Variants in RDH12 observed in about 807,000 individuals in gnomAD.
The protein encoded by RDH12 is retinol dehydrogenase 12.
RDH12 carries 21 observed loss-of-function variants against 34.0 expected under a neutral mutation model. The ratio of observed to expected loss-of-function variants is 0.62; its 90% CI spans 0.44 to 0.89. RDH12 has a LOEUF of 0.89. Among genes scored for constraint, RDH12 ranks in the 40% least tolerant of loss-of-function variants. The pLI is 0.00. For synonymous variants in RDH12, 198 were observed against 169.9 expected, an observed-to-expected ratio of 1.17 and a Z score of -1.29; for missense variants, 394 against 398.6, an observed-to-expected ratio of 0.99 and a Z score of 0.10.
chr14:67,726,997 C>T lies in RDH12; in HGVS notation c.465C>T (p.Thr155=), dbSNP rs749242059. 3.5e-5 allele frequency: 57 copies of T among 1,612,658 alleles called. No homozygotes were observed. The highest frequency in any genetic ancestry group is 4.6e-5 in the Non-Finnish European group (54 of 1,180,006). ...GVNHLGHFLL[T]YLLLERLKVS... ...TCCTCACAGGCCACTTCCTCCTCACCTACCTGCTCCTGGAGCGGCTAAAGG... is the reference window on the plus strand; with the variant it reads ...TCCTCACAGGCCACTTCCTCCTCACTTACCTGCTCCTGGAGCGGCTAAAGG... The change falls in exon 7 of 9, where the codon ACC becomes ACT. Residue 155 remains threonine (T), a synonymous_variant. Coordinates refer to ENST00000551171, the MANE Select transcript of RDH12 (RefSeq NM_152443.3).
At chr14:67,708,757 T>A (rs1388118580) in intron 1 of RDH12, among the ~76,000 whole-genome samples, 1 of 152,018 alleles carries the variant, frequency 6.6e-6, no homozygotes, top group African/African-American at 2.4e-5. Context: ...AAGCCAAATA[T>A]GTCATTTTCG....
intron 5 of RDH12, among the ~76,000 whole-genome samples, chr14:67,725,707 G>T (rs1371404752): frequency 2.0e-5 from 3 of 152,204 alleles, no homozygotes; most frequent in African/African-American, 7.2e-5. Context: ...GATTCCTAGT[G>T]CCCAGCAGAG....
chr14:67,722,476 T>C lies in RDH12; in HGVS notation c.-167T>C. 8 of 740,846 alleles carry C rather than the reference T, an allele frequency of 1.1e-5. No homozygotes were observed. In the South Asian group the frequency reaches 1.1e-4, roughly 11 times the overall value. 45.9% of individuals were successfully genotyped at this position (740,846 alleles called of 1,614,324 possible). On this transcript the variant is annotated 5_prime_UTR_variant, in exon 3 of 9. Coordinates refer to ENST00000551171, the MANE Select transcript of RDH12 (RefSeq NM_152443.3). ...TGACAGCTCTTGGATTTAAATAGGA[T>C]TCTGGGCTCTGCTCAGAGTCAGGCT...
Position 67,729,308 on chromosome 14 carries a change from G to A in RDH12, c.776G>A (p.Arg259Gln). 3.1e-6 allele frequency: 5 copies of A among 1,601,378 alleles called. No homozygotes were observed. Among genetic ancestry groups the A allele is most frequent in the Non-Finnish European group, 4.2e-6 (5 of 1,179,892 alleles). ...RLFSPFVKTA[R>Q]EGAQTSLHCA... ...TTCTCCCCCTTTGTCAAGACGGCAC[G>A]GGAGGGGGCGCAGACCAGCCTGCAC... Residue 259 changes from arginine (R) to glutamine (Q), a missense_variant, in exon 8 of 9, where the codon CGG (arginine) becomes CAG (glutamine). Arg to Gln is a conservative substitution (Grantham distance 43). Coordinates refer to ENST00000551171, the MANE Select transcript of RDH12 (RefSeq NM_152443.3).
At position 67,724,467 on chromosome 14, in the gene RDH12, C is replaced by T. The variant is rs369709080; in HGVS notation, c.69-6C>T. The stretch of plus-strand genomic sequence containing the variant: ...TACGTGATGCTCTTGTTTCCCTTGC[C>T]GATAGGAAGTTCTTTGCTGGTGGAG... On this transcript the variant is annotated splice_region_variant and splice_polypyrimidine_tract_variant and intron_variant, in intron 3 of 8. Coordinates refer to ENST00000551171, the MANE Select transcript of RDH12 (RefSeq NM_152443.3). 34 of 1,590,392 alleles carry T rather than the reference C, an allele frequency of 2.1e-5. No homozygotes were observed. The highest frequency in any genetic ancestry group is 2.7e-5 in the African/African-American group (2 of 74,194).
At chr14:67,711,560 A>G (rs909235791) in intron 1 of RDH12, among the ~76,000 whole-genome samples, 2 of 152,138 alleles carry the variant, frequency 1.3e-5, no homozygotes, top group African/African-American at 4.8e-5. Context: ...TCTTTTATAT[A>G]TTTTCAGTAG....
intron 1 of RDH12, among the ~76,000 whole-genome samples, chr14:67,705,435 T>G (rs2037940807): frequency 6.6e-6 from 1 of 152,242 alleles, no homozygotes; most frequent in African/African-American, 2.4e-5. Flanking sequence ...GTAAGATTCT[T>G]TACTCAGAAA....
In RDH12 at chr14:67,717,118, A is replaced by G. The variant is rs1594862132; in HGVS notation, c.-274-3730A>G. Reference sequence around the variant, plus strand: ...CATGTATATATATCATTCATTAACTAGAGTTCAATATTTATTTAGTTTTTT... The same window carrying G: ...CATGTATATATATCATTCATTAACTGGAGTTCAATATTTATTTAGTTTTTT... On this transcript the variant is annotated intron_variant, in intron 1 of 8. Coordinates refer to ENST00000551171, the MANE Select transcript of RDH12 (RefSeq NM_152443.3). Among the ~76,000 whole-genome samples, 5 of 152,274 alleles carry G rather than the reference A, an allele frequency of 3.3e-5. 1 individual carries two copies. The South Asian group carries it at 1.0e-3, about 32-fold the overall frequency.
At chr14:67,731,906 C>T (rs1224456119) in intron 8 of RDH12, among the ~76,000 whole-genome samples, 1 of 151,134 alleles carries the variant, frequency 6.6e-6, no homozygotes, top group Non-Finnish European at 1.5e-5. Flanking sequence ...GTGGGTGGAT[C>T]ACTTGAGGTC....
chr14:67,708,243 C>T (rs974178953), intron 1 of RDH12, among the ~76,000 whole-genome samples: 4 of 152,104 alleles, frequency 2.6e-5, no homozygotes, highest in African/African-American at 7.2e-5. Context: ...GGATCAGCAA[C>T]GTTTTAAGCA....
chr14:67,713,762 T>G (rs1437756682), intron 1 of RDH12, among the ~76,000 whole-genome samples: 1 of 152,112 alleles, frequency 6.6e-6, no homozygotes, highest in East Asian at 1.9e-4. Flanking sequence ...AGAGCACAGT[T>G]TGGTTTTATA....
At chr14:67,729,906 C>G (rs780380121) in intron 8 of RDH12, 6 of 436,508 alleles carry the variant, frequency 1.4e-5, no homozygotes, top group Non-Finnish European at 2.7e-5. Flanking sequence ...AAGGGAAGCC[C>G]AGGGTGAAAT....
rs79758974 is a variant in RDH12 at position 67,712,493 on chromosome 14, C to CAAAAAAA, written c.-274-8337_-274-8331dup. ...CAGTCAACTGAGAAGAAAAAACTTG[C>CAAAAAAA]AAAAAAAAAAAAAAAAAAAAAAAAG... On this transcript the variant is annotated intron_variant, in intron 1 of 8. Coordinates refer to ENST00000551171, the MANE Select transcript of RDH12 (RefSeq NM_152443.3). Among the ~76,000 whole-genome samples the CAAAAAAA allele has an allele frequency of 9.7e-3, 376 of 38,720 alleles. 2 individuals are homozygous for CAAAAAAA. The highest frequency in any genetic ancestry group is 0.017 in the Non-Finnish European group (231 of 13,344). The allele number at this position is 38,720 out of a possible 152,430, so 25.4% of individuals were successfully genotyped here.
At chr14:67,720,932 C>T (rs2038117431) in intron 2 of RDH12, 30 bp downstream of exon 2, 2 of 152,186 alleles carry the variant, frequency 1.3e-5, no homozygotes, top group South Asian at 4.1e-4. Flanking sequence ...ATGCAAGGAT[C>T]TTAGATTTGA....
intron 1 of RDH12, chr14:67,715,296 A>T (rs1446263692): frequency 6.6e-6 from 1 of 151,876 alleles, no homozygotes; most frequent in African/African-American, 2.4e-5. Flanking sequence ...ATGATGTTTT[A>T]TTTCATAAGC....
chr14:67,724,280 C>T (rs556812047), intron 3 of RDH12, among the ~76,000 whole-genome samples, 193 bp from the exon 4 acceptor site: 1 of 152,242 alleles, frequency 6.6e-6, no homozygotes, highest in East Asian at 1.9e-4. Flanking sequence ...CCCACCTGCA[C>T]CGATAAACAG....
chr14:67,722,325 A>C, intron 2 of RDH12, 99 bp from the exon 3 acceptor site: 2 of 460,440 alleles, frequency 4.3e-6, no homozygotes, highest in South Asian at 4.5e-5. Flanking sequence ...ACAATTGAGG[A>C]TGGGGGGTTT....
chr14:67,724,568 C>CG lies in RDH12; in HGVS notation c.166dup (p.Ala56GlyfsTer6). ...GCCAACACGGGCATTGGCAAGGAGA[C>CG]GGCCAGAGAGCTCGCTAGCCGAGGT... On this transcript the variant is annotated frameshift_variant, in exon 4 of 9. Transcript: ENST00000551171. LOFTEE classifies it high-confidence loss of function. 1 of 1,613,550 alleles carries CG rather than the reference C, an allele frequency of 6.2e-7. No homozygotes were observed. Among genetic ancestry groups the CG allele is most frequent in the Non-Finnish European group, 8.5e-7 (1 of 1,179,608 alleles).
chr14:67,716,881 C>CAA (rs35419842), intron 1 of RDH12, among the ~76,000 whole-genome samples: 2 of 85,246 alleles, frequency 2.3e-5, no homozygotes, highest in African/African-American at 9.3e-5. Context: ...GAGTCTCTGT[C>CAA]AAAAAAAAAA....
Sources: allele counts gnomAD v4.1 joint callset (sites outside exome capture counted in the v4.1 genomes callset), GRCh38; gene constraint gnomAD v4.1.1; transcripts MANE v1.5; gene names NCBI Gene and HGNC (gene_info 2026-07-23, HGNC 2026-07-21).